The following SLC6A6 variants were observed in gnomAD, a reference collection of about 807,000 sequenced individuals.
SLC6A6 encodes the protein solute carrier family 6 member 6.
Under a neutral mutation model 68.8 loss-of-function variants are expected in SLC6A6, and 16 were observed. That is an observed-to-expected ratio of 0.23 (90% CI 0.16 to 0.35). The LOEUF is 0.35. Ranked by LOEUF, SLC6A6 falls within the 10% of genes least tolerant of loss-of-function variation. The pLI, the probability that SLC6A6 is intolerant of heterozygous loss-of-function variation, is 1.00. For synonymous variants in SLC6A6, 312 were observed against 315.4 expected (o/e 0.99, Z 0.12); for missense variants, 474 against 802.8 (o/e 0.59, Z 4.95).
rs114256630 is a variant in SLC6A6 at position 14,415,548 on chromosome 3, T to G, written c.-53-864T>G. Among the ~76,000 whole-genome samples the G allele has an allele frequency of 5.3e-3, 802 of 150,300 alleles. 9 individuals are homozygous for G. The highest frequency in any genetic ancestry group is 0.018 in the African/African-American group (759 of 41,152). ...TCCCAGTTTAACAGTTCATTGAAAA[T>G]ATCTCATTTGAGAAGAAATGATTTC... On this transcript the variant is annotated intron_variant, in intron 1 of 14. Transcript: ENST00000622186.
chr3:14,438,633 A>C (rs1370721954), intron 2 of SLC6A6, among the ~76,000 whole-genome samples: 1 of 152,180 alleles, frequency 6.6e-6, no homozygotes, highest in Non-Finnish European at 1.5e-5. Flanking sequence ...CCCGCTGATC[A>C]GTTTGCTTAA....
At chr3:14,414,010 G>C (rs1471350293) in intron 1 of SLC6A6, among the ~76,000 whole-genome samples, 1 of 152,002 alleles carries the variant, frequency 6.6e-6, no homozygotes, top group Non-Finnish European at 1.5e-5. Flanking sequence ...GGCCTAAACT[G>C]ACATTAAAAA....
chr3:14,443,969 G>GCC (rs112272618), intron 3 of SLC6A6, 106 bp downstream of exon 3: 14 of 732,422 alleles, frequency 1.9e-5, no homozygotes, highest in South Asian at 8.5e-5. Flanking sequence ...GCTTTCCCTG[G>GCC]CCCCCCCCCT....
At chr3:14,446,922 C>T (rs1213986563) in intron 4 of SLC6A6, among the ~76,000 whole-genome samples, 2 of 152,148 alleles carry the variant, frequency 1.3e-5, no homozygotes, top group Non-Finnish European at 2.9e-5. Context: ...ATTCGGTCAT[C>T]CACGTAAATC....
intron 2 of SLC6A6, among the ~76,000 whole-genome samples, chr3:14,424,922 C>T (rs1359115803): frequency 6.6e-6 from 1 of 152,176 alleles, no homozygotes; most frequent in Non-Finnish European, 1.5e-5. Flanking sequence ...CTGTTTGACA[C>T]ACAACACCGG....
chr3:14,409,554 G>A (rs372624511), intron 1 of SLC6A6, among the ~76,000 whole-genome samples: 2 of 152,256 alleles, frequency 1.3e-5, no homozygotes, highest in East Asian at 3.8e-4. Context: ...CCCACTGACC[G>A]CACGGCAAAC....
intron 2 of SLC6A6, among the ~76,000 whole-genome samples, chr3:14,426,084 C>T (rs1324902982): frequency 2.6e-5 from 4 of 152,206 alleles, no homozygotes; most frequent in African/African-American, 9.7e-5. Flanking sequence ...ATTCAAGAGA[C>T]CTGGATTCTA....
At chr3:14,441,061 C>T (rs1168055651) in intron 2 of SLC6A6, among the ~76,000 whole-genome samples, 2 of 152,142 alleles carry the variant, frequency 1.3e-5, no homozygotes, top group African/African-American at 2.4e-5. Flanking sequence ...CCAGTTGCTC[C>T]TCCTCCATGT....
At chr3:14,443,897 C>T (rs1270492111) in intron 3 of SLC6A6, 34 bp downstream of exon 3, 1 of 1,461,250 alleles carries the variant, frequency 6.8e-7, no homozygotes, top group African/African-American at 1.4e-5. Context: ...GGAGCCCATC[C>T]AGTACAAAGC....
intron 3 of SLC6A6, 106 bp from the exon 4 acceptor site, chr3:14,445,611 C>G: frequency 3.9e-6 from 5 of 1,275,944 alleles, no homozygotes; most frequent in Non-Finnish European, 5.7e-6. Flanking sequence ...AGCCTCATGC[C>G]CCTCATGCAT....
chr3:14,440,780 G>T (rs1699965212), intron 2 of SLC6A6, among the ~76,000 whole-genome samples: 1 of 152,142 alleles, frequency 6.6e-6, no homozygotes, highest in South Asian at 2.1e-4. Context: ...TTCTTCAGGG[G>T]CAGGGCTGCT....
intron 2 of SLC6A6, among the ~76,000 whole-genome samples, chr3:14,416,692 T>C (rs1699369720): frequency 6.6e-6 from 1 of 152,212 alleles, no homozygotes; most frequent in South Asian, 2.1e-4. Flanking sequence ...AGGGACGCCC[T>C]GCAAATGGGC....
At chr3:14,426,608 CT>C (rs1184531249) in intron 2 of SLC6A6, among the ~76,000 whole-genome samples, 2 of 152,178 alleles carry the variant, frequency 1.3e-5, no homozygotes, top group Non-Finnish European at 2.9e-5. Flanking sequence ...AATATTTAGC[CT>C]GATTAAAACA....
rs1290606328 is a variant in SLC6A6 at position 14,489,087 on chromosome 3, A to G, written c.*4080A>G. 3 of 152,624 alleles carry G rather than the reference A, an allele frequency of 2.0e-5. No homozygotes were observed. The highest frequency in any genetic ancestry group is 2.9e-5 in the Non-Finnish European group (2 of 68,038). 9.5% of individuals were successfully genotyped at this position (152,624 alleles called of 1,614,324 possible). On this transcript the variant is annotated 3_prime_UTR_variant, in exon 15 of 15. Transcript: ENST00000622186. ...AGATATTTTAAACTTTTATAAAAAAAAAATCAACCAACAAGAGACTTTTCT... is the reference window on the plus strand; with the variant it reads ...AGATATTTTAAACTTTTATAAAAAAGAAATCAACCAACAAGAGACTTTTCT...
At chr3:14,469,373 G>C (rs1700701125) in intron 9 of SLC6A6, among the ~76,000 whole-genome samples, 1 of 152,094 alleles carries the variant, frequency 6.6e-6, no homozygotes, top group South Asian at 2.1e-4. Context: ...CACAGCCGGA[G>C]GCCCTGCCAT....
chr3:14,409,362 G>A (rs1026202381), intron 1 of SLC6A6, among the ~76,000 whole-genome samples: 10 of 152,310 alleles, frequency 6.6e-5, no homozygotes, highest in African/African-American at 1.4e-4. Flanking sequence ...CGGCTGAGCC[G>A]ATTCAGCATT....
chr3:14,435,626 C>T (rs577253997), intron 2 of SLC6A6, among the ~76,000 whole-genome samples: 1 of 152,218 alleles, frequency 6.6e-6, no homozygotes, highest in African/African-American at 2.4e-5. Flanking sequence ...GCCTGGTCAG[C>T]ATCTCCGCAC....
rs550395577 is a variant in SLC6A6 at position 14,477,756 on chromosome 3, G to A, written c.1347+414G>A. ...CACGTAGAGGTGCACCACCTTGCAG[G>A]TCACCTGCCACAGGACCGAGTCCTG... On this transcript the variant is annotated intron_variant, in intron 11 of 14. Coordinates refer to ENST00000622186, the MANE Select transcript of SLC6A6 (RefSeq NM_003043.6). The surrounding 1 kb of genome is among the most constrained non-coding windows in gnomAD (Gnocchi z 4.2). 2.0e-5 allele frequency among the ~76,000 whole-genome samples: 3 copies of A among 152,260 alleles called. No individual in the cohort carries two copies. The highest frequency in any genetic ancestry group is 4.8e-5 in the African/African-American group (2 of 41,564).
rs917637964 is a variant in SLC6A6 at position 14,489,224 on chromosome 3, G to GT, written c.*4224dup. 7.2e-5 allele frequency: 11 copies of GT among 152,426 alleles called. No individual in the cohort carries two copies. The highest frequency in any genetic ancestry group is 1.7e-4 in the African/African-American group (7 of 41,370). 9.4% of individuals were successfully genotyped at this position (152,426 alleles called of 1,614,324 possible). A position where few individuals can be genotyped will look rare whatever the true frequency, so the allele number is the denominator to read the frequency against. On this transcript the variant is annotated 3_prime_UTR_variant, in exon 15 of 15. Coordinates refer to ENST00000622186, the MANE Select transcript of SLC6A6 (RefSeq NM_003043.6). ...ATATGATTCCCTGTATTTTGCAGGG[G>GT]TTTTTTTCTCTTTTGCTTTTTAGAT...
Sources: allele counts gnomAD v4.1 joint callset (sites outside exome capture counted in the v4.1 genomes callset), GRCh38; gene constraint gnomAD v4.1.1; non-coding constraint Gnocchi (gnomAD v3.1); transcripts MANE v1.5; gene names NCBI Gene and HGNC (gene_info 2026-07-23, HGNC 2026-07-21).